Variants in ALPL observed in about 807,000 individuals in gnomAD.
ALPL encodes the protein alkaline phosphatase, biomineralization associated.
Under a neutral mutation model 51.3 loss-of-function variants are expected in ALPL, and 42 were observed. That is an observed-to-expected ratio of 0.82 (90% CI 0.64 to 1.06). The LOEUF (loss-of-function observed/expected upper bound fraction) is 1.06. ALPL is among the 50% of genes least tolerant of loss of function. The probability of loss-of-function intolerance (pLI) is 0.00; values close to 1 mark genes in which losing one functional copy is unlikely to be tolerated. For missense variants in ALPL, 589 were observed against 709.4 expected (o/e 0.83, Z 1.93); for synonymous variants, 279 against 296.4 (o/e 0.94, Z 0.60).
chr1:21,554,339 TACAC>T (rs533499560), intron 2 of ALPL, among the ~76,000 whole-genome samples, 197 bp downstream of exon 2: 2 of 149,596 alleles, frequency 1.3e-5, no homozygotes, highest in Admixed American at 6.7e-5. Flanking sequence ...TATATATATA[TACAC>T]ACATACACAT....
At chr1:21,572,663 G>A (rs1342854045) in intron 8 of ALPL, among the ~76,000 whole-genome samples, 3 of 152,058 alleles carry the variant, frequency 2.0e-5, no homozygotes, top group Non-Finnish European at 4.4e-5. Flanking sequence ...GCTATTGTTC[G>A]GCTGTGTACC....
chr1:21,577,291 A>G lies in ALPL; in HGVS notation c.1310-92A>G, dbSNP rs11588709. ...TTTTCCTCTTCTGTGAAATGGGAGC[A>G]TTCAAGCCAGCCTGGAAGGGAGATG... On this transcript the variant is annotated intron_variant, in intron 11 of 11. Coordinates refer to ENST00000374840, the MANE Select transcript of ALPL (RefSeq NM_000478.6). The G allele has an allele frequency of 9.9e-3, 15,801 of 1,597,166 alleles. 1,331 individuals carry two copies. The African/African-American group carries it at 0.19, about 19-fold the overall frequency.
At chr1:21,555,569 G>A (rs919204438) in intron 2 of ALPL, among the ~76,000 whole-genome samples, 4 of 150,986 alleles carry the variant, frequency 2.6e-5, no homozygotes, top group Non-Finnish European at 5.9e-5. Flanking sequence ...GGCGTGCGCC[G>A]CAACACCCGG....
At chr1:21,556,897 C>T (rs1644421133) in intron 2 of ALPL, among the ~76,000 whole-genome samples, 1 of 152,062 alleles carries the variant, frequency 6.6e-6, no homozygotes, top group East Asian at 1.9e-4. Context: ...TGAGATTGCG[C>T]CACTGTACTT....
intron 6 of ALPL, among the ~76,000 whole-genome samples, chr1:21,566,299 T>A (rs1644563354): frequency 6.6e-6 from 1 of 152,326 alleles, no homozygotes; most frequent in South Asian, 2.1e-4. Context: ...TTATTATTAT[T>A]TTGAGACGGA....
At chr1:21,510,834 T>C (rs1643672602) in intron 1 of ALPL, among the ~76,000 whole-genome samples, 1 of 152,204 alleles carries the variant, frequency 6.6e-6, no homozygotes, top group African/African-American at 2.4e-5. Flanking sequence ...GCCATCCCAC[T>C]CCCTGGCCCC....
At position 21,577,446 on chromosome 1, in the gene ALPL, ACGTGGC is replaced by A; in HGVS notation, c.1377_1382del (p.Ala460_Val461del). ...CGCCACGAGACCCACGGCGGGGAGG[ACGTGGC>A]CGTCTTCTCCAAGGGCCCCATGGCG... On this transcript the variant is annotated inframe_deletion, in exon 12 of 12. Transcript: ENST00000374840. The A allele has an allele frequency of 6.2e-7, 1 of 1,612,048 alleles. No individual in the cohort carries two copies. The highest frequency in any genetic ancestry group is 1.1e-5 in the South Asian group (1 of 91,082).
chr1:21,558,951 C>T (rs1246011345), intron 2 of ALPL, among the ~76,000 whole-genome samples: 1 of 152,192 alleles, frequency 6.6e-6, no homozygotes, highest in East Asian at 1.9e-4. Context: ...ACACTGGTGC[C>T]CACCTGCCAA....
intron 1 of ALPL, among the ~76,000 whole-genome samples, chr1:21,533,159 T>C (rs1392537954): frequency 6.6e-6 from 1 of 152,224 alleles, no homozygotes; most frequent in Non-Finnish European, 1.5e-5. Flanking sequence ...GCTTGTAGTT[T>C]GGAGTTGGAC....
chr1:21,567,826 G>A (rs527819607), intron 6 of ALPL, among the ~76,000 whole-genome samples: 4 of 152,266 alleles, frequency 2.6e-5, no homozygotes, highest in East Asian at 3.9e-4. Flanking sequence ...ATTCTTATTC[G>A]AGTGGGAGTT....
chr1:21,577,595 G>T lies in ALPL; in HGVS notation c.1522G>T (p.Ala508Ser), dbSNP rs1644758290. The T allele has an allele frequency of 1.2e-6, 2 of 1,601,428 alleles. No homozygotes were observed. Among genetic ancestry groups the T allele is most frequent in the African/African-American group, 1.3e-5 (1 of 74,924 alleles). The change falls in exon 12 of 12, where the codon GCA (alanine) becomes TCA (serine). Residue 508 changes from alanine (A) to serine (S), a missense_variant. By Grantham distance (99) the Ala-to-Ser change is moderately conservative. Coordinates refer to ENST00000374840, the MANE Select transcript of ALPL (RefSeq NM_000478.6). ...TGCCAGCTCGGCAGGCAGCCTTGCT[G>T]CAGGCCCCCTGCTGCTCGCGCTGGC... ...APASSAGSLA[A>S]GPLLLALALY... is the part of the protein sequence containing the mutation.
chr1:21,577,569 C>T lies in ALPL; in HGVS notation c.1496C>T (p.Pro499Leu). ...GGGGCCAACCTCGGCCACTGTGCTCCTGCCAGCTCGGCAGGCAGCCTTGCT... is the reference window on the plus strand; with the variant it reads ...GGGGCCAACCTCGGCCACTGTGCTCTTGCCAGCTCGGCAGGCAGCCTTGCT... The part of the protein sequence containing the change: ...CIGANLGHCA[P>L]ASSAGSLAAG... The change falls in exon 12 of 12, where the codon CCT (proline) becomes CTT (leucine). Residue 499 changes from proline (P) to leucine (L), a missense_variant. Physicochemically the swap from Pro to Leu is moderately conservative, Grantham distance 98. Transcript: ENST00000374840. The T allele has an allele frequency of 6.2e-7, 1 of 1,603,916 alleles. No individual in the cohort carries two copies. Among genetic ancestry groups the T allele is most frequent in the Non-Finnish European group, 8.5e-7 (1 of 1,179,822 alleles).
intron 1 of ALPL, among the ~76,000 whole-genome samples, chr1:21,542,369 G>T (rs1242042397): frequency 6.6e-6 from 1 of 152,216 alleles, no homozygotes; most frequent in Non-Finnish European, 1.5e-5. Context: ...AGCTGACTCA[G>T]TTCCCTATGT....
intron 1 of ALPL, among the ~76,000 whole-genome samples, chr1:21,532,822 G>A (rs565092736): frequency 2.6e-5 from 4 of 152,322 alleles, no homozygotes; most frequent in African/African-American, 7.2e-5. Context: ...TCATGGTCAA[G>A]GTGACACTCA....
chr1:21,538,745 AGCCAGGTCTTGAAT>A (rs55741857), intron 1 of ALPL, among the ~76,000 whole-genome samples: 142,096 of 152,076 alleles, frequency 0.93, 66,527 homozygotes, highest in East Asian at 1. Flanking sequence ...CCGGGGGCAG[AGCCAGGTCTTGAAT>A]GCCAGGTCTT....
At chr1:21,514,267 T>C (rs1172273302) in intron 1 of ALPL, among the ~76,000 whole-genome samples, 1 of 152,100 alleles carries the variant, frequency 6.6e-6, no homozygotes, top group African/African-American at 2.4e-5. Flanking sequence ...CAGGCATCGC[T>C]GGGTACTTCA....
chr1:21,550,393 C>T (rs1644305474), intron 1 of ALPL, among the ~76,000 whole-genome samples: 1 of 152,108 alleles, frequency 6.6e-6, no homozygotes, highest in Non-Finnish European at 1.5e-5. Flanking sequence ...TTGGTTTTCT[C>T]ATCTGTAAAA....
chr1:21,568,030 G>A, intron 6 of ALPL, 74 bp from the exon 7 acceptor site: 2 of 1,607,090 alleles, frequency 1.2e-6, no homozygotes, highest in Non-Finnish European at 1.7e-6. Context: ...AGGAGTCCAG[G>A]TTCCAAGCCG....
intron 1 of ALPL, among the ~76,000 whole-genome samples, chr1:21,534,152 T>C (rs1456175678): frequency 6.6e-6 from 1 of 152,110 alleles, no homozygotes; most frequent in Non-Finnish European, 1.5e-5. Context: ...GCCTGGCTAA[T>C]TTTTGTAGAG....
Sources: gnomAD v4.1 joint callset for allele counts (sites outside exome capture counted in the v4.1 genomes callset) on GRCh38, gnomAD v4.1.1 for gene constraint, MANE v1.5 for transcripts, NCBI Gene and HGNC (gene_info 2026-07-23, HGNC 2026-07-21) for gene names.